Variants in NKIRAS2 observed in about 807,000 individuals in gnomAD.
NKIRAS2 encodes NF-kappa-B inhibitor-interacting Ras-like protein 2.
NKIRAS2 carries 15 observed loss-of-function variants against 20.7 expected under a neutral mutation model. The ratio of observed to expected loss-of-function variants is 0.73; its 90% confidence interval spans 0.49 to 1.12. NKIRAS2 has a LOEUF of 1.12. Among genes scored for constraint, NKIRAS2 ranks in the 50% most tolerant of loss-of-function variants. NKIRAS2 has a pLI of 0.00. For synonymous variants in NKIRAS2, 116 were observed against 101.4 expected (o/e 1.14, Z -0.87); for missense variants, 196 against 249.6 (o/e 0.79, Z 1.45).
chr17:42,017,883 CAA>C (rs1288209100), upstream of NKIRAS2, among the ~76,000 whole-genome samples: 1 of 152,170 alleles, frequency 6.6e-6, no homozygotes, highest in Non-Finnish European at 1.5e-5. Context: ...CCGGGAAAGT[CAA>C]GAGACACTTT....
chr17:42,023,951 A>G lies in NKIRAS2; in HGVS notation c.*58A>G. 3 of 1,588,880 alleles carry G rather than the reference A, an allele frequency of 1.9e-6. No homozygotes were observed. Among genetic ancestry groups the G allele is most frequent in the Non-Finnish European group, 2.6e-6 (3 of 1,167,404 alleles). ...CCATTTCAGTGTCTGGGGCTCTGGT[A>G]GATGTGTTGAGGGCAAAGTAGAGGA... On this transcript the variant is annotated 3_prime_UTR_variant, in exon 4 of 4. Transcript: ENST00000393885.
chr17:42,021,457 G>GT (rs1421250100), intron 1 of NKIRAS2, 107 bp from the exon 2 acceptor site: 10 of 862,858 alleles, frequency 1.2e-5, no homozygotes, highest in African/African-American at 1.7e-5. Context: ...TCTGCCTTCT[G>GT]TTTTTTTGGT....
upstream of NKIRAS2, among the ~76,000 whole-genome samples, chr17:42,019,501 T>A (rs191717858): frequency 2.6e-5 from 4 of 152,332 alleles, no homozygotes; most frequent in African/African-American, 7.2e-5. Context: ...TTTCTTTTTT[T>A]AAATAATTTA....
chr17:42,021,664 T>C lies in NKIRAS2; in HGVS notation c.87T>C (p.His29=). 6.2e-7 allele frequency: 1 copy of C among 1,613,896 alleles called. No homozygotes were observed. The highest frequency in any genetic ancestry group is 1.3e-5 in the African/African-American group (1 of 75,014). ...SILEQLLYGN[H]VVGSEMIETQ... is the part of the protein sequence containing the mutation. ...TGGAGCAGCTTCTGTATGGGAACCA[T>C]GTAGTGGGTGAGTGTTGTTGGAGGG... The change falls in exon 2 of 4, where the codon CAT becomes CAC. Residue 29 remains histidine (H), a synonymous_variant. Coordinates refer to ENST00000393885, the MANE Select transcript of NKIRAS2 (RefSeq NM_017595.6).
Position 42,023,784 on chromosome 17 carries a change from C to G in NKIRAS2, c.467C>G (p.Ser156Cys). The part of the protein sequence containing the change: ...LWEVSVADRR[S>C]LLEPFVYLAS... Reference sequence around the variant, plus strand: ...GAGGTGTCAGTGGCGGACCGGCGCTCCCTCCTGGAGCCCTTTGTCTACTTG... The same window carrying G: ...GAGGTGTCAGTGGCGGACCGGCGCTGCCTCCTGGAGCCCTTTGTCTACTTG... Residue 156 changes from serine (S) to cysteine (C), a missense_variant, in exon 4 of 4, where the codon TCC becomes TGC. By Grantham distance (112) the Ser-to-Cys change is moderately radical (BLOSUM62 -1). Transcript: ENST00000393885. 6.2e-7 allele frequency: 1 copy of G among 1,614,132 alleles called. No homozygotes were observed. Among genetic ancestry groups the G allele is most frequent in the Non-Finnish European group, 8.5e-7 (1 of 1,180,032 alleles).
Position 42,024,294 on chromosome 17 carries a change from T to C in NKIRAS2, c.*401T>C, listed in dbSNP as rs797027401. 6.9e-5 allele frequency: 18 copies of C among 261,648 alleles called. No homozygotes were observed. The highest frequency in any genetic ancestry group is 2.9e-4 in the African/African-American group (13 of 45,176). The allele number at this position is 261,648 out of a possible 1,614,324, so 16.2% of individuals were successfully genotyped here. The stretch of plus-strand genomic sequence containing the variant: ...CCCATCAGCGACACACACACACTTA[T>C]GGCACCAGCCTGGACTCCAGAAAAA... On this transcript the variant is annotated 3_prime_UTR_variant, in exon 4 of 4. Transcript: ENST00000393885.
In NKIRAS2 at chr17:42,022,470, C is replaced by T; in HGVS notation, c.166C>T (p.Gln56Ter). The T allele has an allele frequency of 6.2e-7, 1 of 1,613,262 alleles. No homozygotes were observed. The highest frequency in any genetic ancestry group is 8.5e-7 in the Non-Finnish European group (1 of 1,179,292). Reference protein sequence around the residue: ...SIETDRGVREQVRFYDTRGLR... With the variant: ...SIETDRGVRE The stretch of plus-strand genomic sequence containing the variant: ...TGAGACAGACCGGGGGGTGCGAGAG[C>T]AGGTGCGTTTCTATGACACCCGGGG... Residue 56 changes from glutamine to a stop codon, truncating the protein, a stop_gained, in exon 3 of 4, where the codon CAG (glutamine) becomes TAG (stop). Coordinates refer to ENST00000393885, the MANE Select transcript of NKIRAS2 (RefSeq NM_017595.6). LOFTEE classifies it high-confidence loss of function.
At chr17:42,018,420 A>G (rs1236518915), upstream of NKIRAS2, 3 of 152,174 alleles carry the variant, frequency 2.0e-5, no homozygotes, top group Non-Finnish European at 4.4e-5. Flanking sequence ...AGGGCAAAGG[A>G]ATTTTAAAAG....
Position 42,021,640 on chromosome 17 carries a change from G to A in NKIRAS2, c.63G>A (p.Leu21=), listed in dbSNP as rs782728332. ...GQASVGKTSI[L]EQLLYGNHVV... ...CGTCTGTGGGCAAAACTTCAATCCT[G>A]GAGCAGCTTCTGTATGGGAACCATG... The change falls in exon 2 of 4, where the codon CTG becomes CTA. Residue 21 remains leucine (L), a synonymous_variant. Coordinates refer to ENST00000393885, the MANE Select transcript of NKIRAS2 (RefSeq NM_017595.6). 5 of 1,614,136 alleles carry A rather than the reference G, an allele frequency of 3.1e-6. No homozygotes were observed. The East Asian group carries it at 8.9e-5, about 29-fold the overall frequency.
At chr17:42,023,533 G>A (rs1411999215) in intron 3 of NKIRAS2, 121 bp from the exon 4 acceptor site, 14 of 851,064 alleles carry the variant, frequency 1.6e-5, no homozygotes, top group Non-Finnish European at 2.2e-5. Context: ...AATCTAGAAA[G>A]AGATGAGATA....
At chr17:42,020,449 T>C (rs8082153) in intron 1 of NKIRAS2, 14,818 of 150,946 alleles carry the variant, frequency 0.098, 838 homozygotes, top group African/African-American at 0.15. Context: ...TTGGGAGTGA[T>C]CTATCTCTGC....
At position 42,022,233 on chromosome 17, in the gene NKIRAS2, C is replaced by T. The variant is rs917269460; in HGVS notation, c.95-166C>T. 12 of 689,844 alleles carry T rather than the reference C, an allele frequency of 1.7e-5. No individual in the cohort carries two copies. In the Admixed American group the frequency reaches 2.6e-4, roughly 15 times the overall value. 42.7% of individuals were successfully genotyped at this position (689,844 alleles called of 1,614,324 possible). ...TCAAAAAAAGAAAGAAATTAATGTT[C>T]GTTCCCCTAAACCCAAATCATTTCA... On this transcript the variant is annotated intron_variant, in intron 2 of 3. Coordinates refer to ENST00000393885, the MANE Select transcript of NKIRAS2 (RefSeq NM_017595.6).
intron 2 of NKIRAS2, 165 bp from the exon 3 acceptor site, chr17:42,022,234 G>C: frequency 1.4e-6 from 1 of 696,610 alleles, no homozygotes; most frequent in Non-Finnish European, 2.4e-6. Flanking sequence ...ATTAATGTTC[G>C]TTCCCCTAAA....
At position 42,022,430 on chromosome 17, in the gene NKIRAS2, C is replaced by A; in HGVS notation, c.126C>A (p.Ile42=). The A allele has an allele frequency of 6.3e-7, 1 of 1,597,118 alleles. No individual in the cohort carries two copies. Among genetic ancestry groups the A allele is most frequent in the African/African-American group, 1.3e-5 (1 of 74,650 alleles). ...GSEMIETQED[I]YVGSIETDRG... ...AGATGATCGAGACGCAGGAGGACAT[C>A]TACGTGGGCTCCATTGAGACAGACC... Residue 42 remains isoleucine (I), a synonymous_variant, in exon 3 of 4, where the codon ATC becomes ATA. Transcript: ENST00000393885.
Position 42,022,589 on chromosome 17 carries a change from G to A in NKIRAS2, c.285G>A (p.Gln95=), listed in dbSNP as rs781953494. 15 of 1,614,046 alleles carry A rather than the reference G, an allele frequency of 9.3e-6. No individual in the cohort carries two copies. The highest frequency in any genetic ancestry group is 1.0e-5 in the Non-Finnish European group (12 of 1,179,968). The change falls in exon 3 of 4, where the codon CAG becomes CAA. Residue 95 remains glutamine (Q), a synonymous_variant. Coordinates refer to ENST00000393885, the MANE Select transcript of NKIRAS2 (RefSeq NM_017595.6). ...GCACAGATAGCAGAGAGTCTTTTCA[G>A]CGTGTGGAGCTGCTCAAGAAGGAGA... ...VYSTDSRESF[Q]RVELLKKEID...
chr17:42,023,009 G>GT (rs2052494307), intron 3 of NKIRAS2: 3 of 293,044 alleles, frequency 1.0e-5, no homozygotes, highest in South Asian at 2.9e-5. Flanking sequence ...TTGTTTGTTT[G>GT]TTTGTTTGTT....
intron 2 of NKIRAS2, chr17:42,022,064 C>A (rs1286984364): frequency 2.3e-6 from 1 of 435,134 alleles, no homozygotes; most frequent in African/African-American, 2.0e-5. Flanking sequence ...ACAAAATTAG[C>A]CGGGTGTGGT....
At chr17:42,017,750 G>A, upstream of NKIRAS2, 1 of 411,690 alleles carries the variant, frequency 2.4e-6, no homozygotes, top group Non-Finnish European at 4.4e-6. Flanking sequence ...TCCAATCCTA[G>A]AGAGTCTTCC....
In NKIRAS2 at chr17:42,025,265, G is replaced by A. The variant is rs1256615583; in HGVS notation, c.*1372G>A. ...TTTATATGCCCGCTCTCATGGTGAA[G>A]GCTGGACAAGGTGCTCCTCTGGCCC... On this transcript the variant is annotated 3_prime_UTR_variant, in exon 4 of 4. Coordinates refer to ENST00000393885, the MANE Select transcript of NKIRAS2 (RefSeq NM_017595.6). The A allele has an allele frequency of 6.6e-6, 1 of 152,656 alleles. No homozygotes were observed. Among genetic ancestry groups the A allele is most frequent in the African/African-American group, 2.4e-5 (1 of 41,430 alleles). 9.5% of individuals were successfully genotyped at this position (152,656 alleles called of 1,614,324 possible). A position where few individuals can be genotyped will look rare whatever the true frequency, so the allele number is the denominator to read the frequency against.
Sources: allele counts gnomAD v4.1 joint callset (sites outside exome capture counted in the v4.1 genomes callset), GRCh38; gene constraint gnomAD v4.1.1; transcripts MANE v1.5; gene names NCBI Gene and HGNC (gene_info 2026-07-23, HGNC 2026-07-21).